The following ZNF423 variants were observed in gnomAD, a reference collection of about 807,000 sequenced individuals.
The protein encoded by ZNF423 is Ebf-associated zinc finger protein.
ZNF423 carries 12 observed loss-of-function variants against 95.8 expected under a neutral mutation model. The observed-to-expected ratio is 0.13, with a 90% CI of 0.08 to 0.20. ZNF423 has a LOEUF of 0.20. Among genes scored for constraint, ZNF423 ranks in the 10% least tolerant of loss-of-function variants. ZNF423 has a pLI of 1.00. For synonymous variants in ZNF423, 749 were observed against 711.9 expected (o/e 1.05, Z -0.83); for missense variants, 1,316 against 1,737.1 (o/e 0.76, Z 4.31).
At chr16:49,501,382 T>C (rs940893519) in intron 7 of ZNF423, among the ~76,000 whole-genome samples, 1 of 152,176 alleles carries the variant, frequency 6.6e-6, no homozygotes, top group Non-Finnish European at 1.5e-5. Context: ...TTTAGATTTG[T>C]TTAAAATATC....
chr16:49,519,543 C>T (rs984467931), intron 7 of ZNF423, among the ~76,000 whole-genome samples: 1 of 152,124 alleles, frequency 6.6e-6, no homozygotes, highest in Non-Finnish European at 1.5e-5. Flanking sequence ...GAGACATCTG[C>T]CAAAAGATTT....
chr16:49,585,919 C>T (rs924398042), intron 5 of ZNF423, among the ~76,000 whole-genome samples: 6 of 152,140 alleles, frequency 3.9e-5, no homozygotes, highest in African/African-American at 1.4e-4. Context: ...GAGGCTCAGC[C>T]CTGTCACTGG....
Position 49,638,659 on chromosome 16 carries a change from G to A in ZNF423, c.517C>T (p.Pro173Ser). ...RHEQIHSDKL[P>S]FKCTYCSRLF... is the part of the protein sequence containing the mutation. ...CGGCTGCAGTAGGTGCACTTGAACG[G>A]CAGCTTGTCGCTGTGGATCTGCTCG... The change falls in exon 4 of 8, where the codon CCG becomes TCG. Residue 173 changes from proline to serine, a missense_variant. Coordinates refer to ENST00000563137, the MANE Select transcript of ZNF423 (RefSeq NM_001379286.1). This position sits in a 1 kb window ranked among gnomAD's most constrained non-coding sequence, Gnocchi z 5.6. 4 of 1,614,086 alleles carry A rather than the reference G, an allele frequency of 2.5e-6. No individual in the cohort carries two copies. Among genetic ancestry groups the A allele is most frequent in the Non-Finnish European group, 3.4e-6 (4 of 1,180,030 alleles).
At chr16:49,617,298 G>C (rs1236964237) in intron 5 of ZNF423, among the ~76,000 whole-genome samples, 1 of 152,222 alleles carries the variant, frequency 6.6e-6, no homozygotes, top group African/African-American at 2.4e-5. Context: ...TCAGGACAGA[G>C]GGGACCAAGC....
In ZNF423 at chr16:49,789,444, C is replaced by T. The variant is rs772249930; in HGVS notation, c.100+43G>A. The T allele has an allele frequency of 5.7e-6, 9 of 1,592,858 alleles. No individual in the cohort carries two copies. In the Admixed American group the frequency reaches 7.4e-5, roughly 13 times the overall value. On this transcript the variant is annotated intron_variant, in intron 2 of 7. Coordinates refer to ENST00000563137, the MANE Select transcript of ZNF423 (RefSeq NM_001379286.1). ...GCTTTCTGAGTTCCTGGGCCAGCCC[C>T]CAGGACCCCCTGCAACTCTTCCACC... is the stretch of plus-strand genomic sequence containing the variant.
intron 3 of ZNF423, among the ~76,000 whole-genome samples, chr16:49,672,819 A>G (rs188149608): frequency 1.7e-4 from 26 of 152,284 alleles, no homozygotes; most frequent in Non-Finnish European, 2.8e-4. Context: ...CTCCATCTCA[A>G]AAAAATTTAA....
chr16:49,644,181 T>C (rs1222711917), intron 3 of ZNF423, among the ~76,000 whole-genome samples: 2 of 152,108 alleles, frequency 1.3e-5, no homozygotes, highest in East Asian at 3.9e-4. Flanking sequence ...GGAACCTTCC[T>C]GCAGTGGGGG....
chr16:49,553,235 GT>G (rs1736101482), intron 5 of ZNF423, among the ~76,000 whole-genome samples: 1 of 152,188 alleles, frequency 6.6e-6, no homozygotes, highest in African/African-American at 2.4e-5. Flanking sequence ...GGTACTACCT[GT>G]GCAGTATCTG....
chr16:49,605,473 C>A (rs1225432600), intron 5 of ZNF423, among the ~76,000 whole-genome samples: 1 of 152,184 alleles, frequency 6.6e-6, no homozygotes, highest in Admixed American at 6.5e-5. Context: ...AACAGAGCAG[C>A]AAGCCCCTTC....
rs2151637666 is a variant in ZNF423 at position 49,489,412 on chromosome 16, G to T, written c.*1863C>A. 6.6e-6 allele frequency: 1 copy of T among 152,382 alleles called. No homozygotes were observed. Among genetic ancestry groups the T allele is most frequent in the Admixed American group, 6.5e-5 (1 of 15,310 alleles). The allele number at this position is 152,382 out of a possible 1,614,324, so 9.4% of individuals were successfully genotyped here. On this transcript the variant is annotated 3_prime_UTR_variant, in exon 8 of 8. Coordinates refer to ENST00000563137, the MANE Select transcript of ZNF423 (RefSeq NM_001379286.1). Reference sequence around the variant, plus strand: ...TACCCTGGGGTCTTCCCCCAAAACTGCCAGGTCTCCAGGAGGCTGAAAATT... The same window carrying T: ...TACCCTGGGGTCTTCCCCCAAAACTTCCAGGTCTCCAGGAGGCTGAAAATT...
chr16:49,743,278 C>CA (rs1218302757), intron 2 of ZNF423, among the ~76,000 whole-genome samples: 1 of 152,212 alleles, frequency 6.6e-6, no homozygotes, highest in Non-Finnish European at 1.5e-5. Context: ...TCTGCACCCC[C>CA]ACAGGGTCAG....
intron 2 of ZNF423, among the ~76,000 whole-genome samples, chr16:49,775,507 G>A (rs998041445): frequency 6.6e-6 from 1 of 152,150 alleles, no homozygotes; most frequent in Non-Finnish European, 1.5e-5. Flanking sequence ...CATGCTGTGT[G>A]CCAGGCACCA....
intron 2 of ZNF423, among the ~76,000 whole-genome samples, chr16:49,777,196 T>A (rs1430226999): frequency 6.6e-6 from 1 of 152,202 alleles, no homozygotes; most frequent in Non-Finnish European, 1.5e-5. Context: ...GGAACATGTA[T>A]GTGAAGGCCC....
rs1342957049 is a variant in ZNF423 at position 49,488,771 on chromosome 16, T to C, written c.*2504A>G. ...GAGGCACAGGTTTATAACCCTACAC[T>C]GCTCCCCAACCCTAATACCACCTGA... On this transcript the variant is annotated 3_prime_UTR_variant, in exon 8 of 8. Coordinates refer to ENST00000563137, the MANE Select transcript of ZNF423 (RefSeq NM_001379286.1). The C allele has an allele frequency of 3.9e-5, 6 of 152,224 alleles. No individual in the cohort carries two copies. Among genetic ancestry groups the C allele is most frequent in the African/African-American group, 1.4e-4 (6 of 41,436 alleles). 9.4% of individuals were successfully genotyped at this position (152,224 alleles called of 1,614,324 possible).
At chr16:49,697,974 G>A (rs1413927857) in intron 3 of ZNF423, among the ~76,000 whole-genome samples, 3 of 152,150 alleles carry the variant, frequency 2.0e-5, no homozygotes, top group East Asian at 1.9e-4. Context: ...GCCCCATTAC[G>A]CCGCCTTTCC....
intron 3 of ZNF423, among the ~76,000 whole-genome samples, chr16:49,673,079 G>C (rs1046038186): frequency 1.3e-5 from 2 of 152,228 alleles, no homozygotes; most frequent in African/African-American, 4.8e-5. Context: ...CCCCGCCGTG[G>C]TACACAGGTA....
intron 3 of ZNF423, chr16:49,664,302 C>CGCG: frequency 1.0e-6 from 1 of 985,766 alleles, no homozygotes; most frequent in Non-Finnish European, 1.2e-6. Flanking sequence ...GTGCTGCTCC[C>CGCG]GCGGCGGCGC....
intron 5 of ZNF423, among the ~76,000 whole-genome samples, chr16:49,555,059 T>G (rs1969775880): frequency 6.6e-6 from 1 of 152,178 alleles, no homozygotes; most frequent in African/African-American, 2.4e-5. Flanking sequence ...CTGTATTTCA[T>G]GGGTTCATTT....
chr16:49,543,143 T>C (rs1969311155), intron 5 of ZNF423, among the ~76,000 whole-genome samples: 2 of 152,190 alleles, frequency 1.3e-5, no homozygotes, highest in Non-Finnish European at 2.9e-5. Flanking sequence ...GCCAGTATTT[T>C]ATAAGCTTGT....
Sources: allele counts gnomAD v4.1 joint callset (sites outside exome capture counted in the v4.1 genomes callset), GRCh38; gene constraint gnomAD v4.1.1; non-coding constraint Gnocchi (gnomAD v3.1); transcripts MANE v1.5; gene names NCBI Gene and HGNC (gene_info 2026-07-23, HGNC 2026-07-21).